DYSF: variants seen among roughly 807,000 people sequenced by gnomAD.
The protein encoded by DYSF is dystrophy-associated fer-1-like 1.
In DYSF, 212 loss-of-function variants were observed where a neutral mutation model predicts 274.9. The ratio of observed to expected loss-of-function variants is 0.77; its 90% confidence interval spans 0.69 to 0.86. The LOEUF (loss-of-function observed/expected upper bound fraction) is 0.86. Ranked by LOEUF, DYSF falls within the 40% of genes least tolerant of loss-of-function variation. The probability of loss-of-function intolerance (pLI) is 0.00; values close to 1 mark genes in which losing one functional copy is unlikely to be tolerated. For synonymous variants in DYSF, 1,091 were observed against 1,078.7 expected, an observed-to-expected ratio of 1.01 and a Z score of -0.22; for missense variants, 2,666 against 2,783.2, an observed-to-expected ratio of 0.96 and a Z score of 0.95.
intron 13 of DYSF, 136 bp from the exon 14 acceptor site, chr2:71,528,162 G>A: frequency 1.3e-6 from 1 of 768,388 alleles, no homozygotes; most frequent in Admixed American, 2.0e-5. Flanking sequence ...GGAGCCCCTG[G>A]GCTGAGTCCC....
intron 12 of DYSF, among the ~76,000 whole-genome samples, chr2:71,525,668 CATG>C (rs2087795975): frequency 6.6e-6 from 1 of 151,918 alleles, no homozygotes; most frequent in African/African-American, 2.4e-5. Flanking sequence ...AGACACAGTA[CATG>C]TTATTGGATT....
At chr2:71,558,231 G>C (rs916917818) in intron 22 of DYSF, among the ~76,000 whole-genome samples, 4 of 152,158 alleles carry the variant, frequency 2.6e-5, no homozygotes, top group Non-Finnish European at 5.9e-5. Context: ...GGCCAGGGGG[G>C]CTAGGTGGGC....
At chr2:71,479,057 C>T (rs974934629) in intron 1 of DYSF, among the ~76,000 whole-genome samples, 3 of 151,580 alleles carry the variant, frequency 2.0e-5, no homozygotes, top group Admixed American at 6.6e-5. Context: ...GAGGGACTTT[C>T]GTGGTCCAGG....
Position 71,601,260 on chromosome 2 carries a change from A to G in DYSF, c.3898-239A>G, listed in dbSNP as rs1391214563. ...AGGTTTGGGTTGGACCTGTACCTTCAAACTTCCTCTTAGTATGATGTGAAC... is the reference window on the plus strand; with the variant it reads ...AGGTTTGGGTTGGACCTGTACCTTCGAACTTCCTCTTAGTATGATGTGAAC... On this transcript the variant is annotated intron_variant, in intron 34 of 55. Transcript: ENST00000410020. 4 of 631,258 alleles carry G rather than the reference A, an allele frequency of 6.3e-6. No homozygotes were observed. In the African/African-American group the frequency reaches 7.3e-5, roughly 11 times the overall value. The allele number at this position is 631,258 out of a possible 1,614,324, so 39.1% of individuals were successfully genotyped here. A position where few individuals can be genotyped will look rare whatever the true frequency, so the allele number is the denominator to read the frequency against.
intron 51 of DYSF, among the ~76,000 whole-genome samples, 197 bp from the exon 52 acceptor site, chr2:71,674,000 G>A (rs1162230432): frequency 6.6e-6 from 1 of 152,114 alleles, no homozygotes; most frequent in Non-Finnish European, 1.5e-5. Context: ...GAGCCTGCAC[G>A]GTGCCCTTTT....
upstream of DYSF, among the ~76,000 whole-genome samples, chr2:71,463,511 G>A (rs2081372066): frequency 6.6e-6 from 1 of 152,230 alleles, no homozygotes; most frequent in South Asian, 2.1e-4. Context: ...CACCGGCTCT[G>A]CAGAGTGCAC....
In DYSF at chr2:71,682,638, C is replaced by T. The variant is rs561011151; in HGVS notation, c.6282C>T (p.Ile2094=). 7.4e-6 allele frequency: 12 copies of T among 1,614,198 alleles called. No homozygotes were observed. In the Middle Eastern group the frequency reaches 4.9e-4, roughly 67 times the overall value. Residue 2094 remains isoleucine, a synonymous_variant, in exon 55 of 56, where the codon ATC becomes ATT. Transcript: ENST00000410020. ...TCATCCTCTTCATCATCCTCTTCAT[C>T]CTGCTGCTGTTCCTGGCCATCTTCA... The part of the protein sequence containing the change: ...WAIILFIILF[I]LLLFLAIFIY...
At chr2:71,454,833 A>G (rs1467760051) in intron 1 of DYSF, among the ~76,000 whole-genome samples, 1 of 152,126 alleles carries the variant, frequency 6.6e-6, no homozygotes, top group Non-Finnish European at 1.5e-5. Context: ...CTTTTCCTCC[A>G]GGAGCTGAGG....
At chr2:71,628,669 G>A (rs1354982994) in intron 41 of DYSF, among the ~76,000 whole-genome samples, 1 of 152,096 alleles carries the variant, frequency 6.6e-6, no homozygotes, top group South Asian at 2.1e-4. Context: ...GTTTAGTTTT[G>A]GCTGGGTGCA....
At chr2:71,611,112 C>A in intron 36 of DYSF, 133 bp from the exon 37 acceptor site, 1 of 761,940 alleles carries the variant, frequency 1.3e-6, no homozygotes, top group East Asian at 2.7e-5. Flanking sequence ...CCCTGTTTGT[C>A]CACTTCTGTC....
At chr2:71,652,829 A>C (rs758093352) in intron 42 of DYSF, among the ~76,000 whole-genome samples, 1 of 152,256 alleles carries the variant, frequency 6.6e-6, no homozygotes, top group African/African-American at 2.4e-5. Flanking sequence ...ACAAACAAAC[A>C]AAAGGAGGCG....
chr2:71,537,218 G>GTTTTTTTTTT (rs751063098), intron 16 of DYSF, among the ~76,000 whole-genome samples: 1 of 47,704 alleles, frequency 2.1e-5, no homozygotes, highest in African/African-American at 6.3e-5. Context: ...TTACTTTCTA[G>GTTTTTTTTTT]TTTTGTTTTT....
intron 5 of DYSF, among the ~76,000 whole-genome samples, 194 bp from the exon 6 acceptor site, chr2:71,513,046 T>C (rs1040099717): frequency 2.6e-5 from 4 of 151,942 alleles, no homozygotes; most frequent in Non-Finnish European, 4.4e-5. Flanking sequence ...GGCCAATCAG[T>C]GGAGGCTTCC....
In DYSF at chr2:71,664,391, G is replaced by T; in HGVS notation, c.5127G>T (p.Leu1709=). 6.2e-7 allele frequency: 1 copy of T among 1,614,210 alleles called. No individual in the cohort carries two copies. The highest frequency in any genetic ancestry group is 1.1e-5 in the South Asian group (1 of 91,086). ...GETVVDLENR[L]LSKFGARCGL... ...CGGTCGTCGACCTGGAGAACAGGCT[G>T]CTGTCCAAGTTTGGGGCTCGCTGTG... Residue 1709 remains leucine (L), a synonymous_variant, in exon 46 of 56, where the codon CTG becomes CTT. Coordinates refer to ENST00000410020, the MANE Select transcript of DYSF (RefSeq NM_001130987.2).
intron 8 of DYSF, 32 bp downstream of exon 8, chr2:71,515,783 T>C: frequency 1.2e-6 from 2 of 1,613,334 alleles, no homozygotes; most frequent in Non-Finnish European, 1.7e-6. Context: ...GGCCAGAACC[T>C]TGGTGGGCCT....
intron 17 of DYSF, among the ~76,000 whole-genome samples, chr2:71,547,156 C>T (rs2090539180): frequency 6.6e-6 from 1 of 152,260 alleles, no homozygotes; most frequent in Non-Finnish European, 1.5e-5. Context: ...GGTGGCTTCA[C>T]TGGTCACTGT....
chr2:71,571,509 A>AG (rs2092449906), intron 29 of DYSF, among the ~76,000 whole-genome samples: 1 of 115,964 alleles, frequency 8.6e-6, no homozygotes, highest in Non-Finnish European at 1.7e-5. Flanking sequence ...GATCACACCC[A>AG]CCACACACAG....
chr2:71,565,379 C>T (rs1019496786), intron 24 of DYSF, among the ~76,000 whole-genome samples: 17 of 152,112 alleles, frequency 1.1e-4, no homozygotes, highest in Admixed American at 2.0e-4. Context: ...CGTGAGCCAC[C>T]GCGCCAGCCC....
chr2:71,513,942 G>A (rs1245577250), intron 7 of DYSF, 21 bp downstream of exon 7: 1 of 1,613,902 alleles, frequency 6.2e-7, no homozygotes, highest in South Asian at 1.1e-5. Context: ...GGCTTTCTCT[G>A]ACCCCAGGCT....
Sources: gnomAD v4.1 joint callset for allele counts (sites outside exome capture counted in the v4.1 genomes callset) on GRCh38, gnomAD v4.1.1 for gene constraint, MANE v1.5 for transcripts, NCBI Gene and HGNC (gene_info 2026-07-23, HGNC 2026-07-21) for gene names.